The following TP53INP1 variants were observed in gnomAD, a reference collection of about 807,000 sequenced individuals.
TP53INP1 encodes tumor protein p53-inducible nuclear protein 1.
TP53INP1 carries 12 observed loss-of-function variants against 21.0 expected under a neutral mutation model. The ratio of observed to expected loss-of-function variants is 0.57; its 90% CI spans 0.37 to 0.93. TP53INP1 has a LOEUF of 0.93. Ranked by LOEUF, TP53INP1 falls within the 40% of genes least tolerant of loss-of-function variation. The pLI is 0.01. For missense variants in TP53INP1, 274 were observed against 294.7 expected, an observed-to-expected ratio of 0.93 and a Z score of 0.51; for synonymous variants, 91 against 94.8, an observed-to-expected ratio of 0.96 and a Z score of 0.23.
In TP53INP1 at chr8:94,940,175, T is replaced by C; in HGVS notation, c.158A>G (p.Asp53Gly). Residue 53 changes from aspartate (D) to glycine (G), a missense_variant, in exon 3 of 4, where the codon GAC becomes GGC. Transcript: ENST00000342697. ...FSAEEEEEEE[D>G]ISEESPTEHP... ...CTCAGTAGGTGACTCTTCACTGATG[T>C]CCTCCTCTTCTTCTTCTTCTTCTGC... 6.2e-7 allele frequency: 1 copy of C among 1,613,718 alleles called. No individual in the cohort carries two copies. The highest frequency in any genetic ancestry group is 8.5e-7 in the Non-Finnish European group (1 of 1,179,738).
At chr8:94,945,922 A>G (rs1457283266) in intron 1 of TP53INP1, among the ~76,000 whole-genome samples, 1 of 152,232 alleles carries the variant, frequency 6.6e-6, no homozygotes, top group African/African-American at 2.4e-5. Context: ...CATTTCAAGA[A>G]GGCAGCTTTG....
At position 94,930,442 on chromosome 8, in the gene TP53INP1, C is replaced by T. The variant is rs376470637; in HGVS notation, c.*37G>A. ...ATACACACATCCATACATGTAAGCA[C>T]AAACCAAGAGAAACCAACCAACAAA... is the stretch of plus-strand genomic sequence containing the variant. On this transcript the variant is annotated 3_prime_UTR_variant, in exon 4 of 4. Coordinates refer to ENST00000342697, the MANE Select transcript of TP53INP1 (RefSeq NM_033285.4). 1 of 1,611,356 alleles carries T rather than the reference C, an allele frequency of 6.2e-7. No homozygotes were observed. Among genetic ancestry groups the T allele is most frequent in the African/African-American group, 1.3e-5 (1 of 74,864 alleles).
At chr8:94,946,696 CAAAAAAAAAAAAA>C (rs71273438) in intron 1 of TP53INP1, among the ~76,000 whole-genome samples, 1 of 34,688 alleles carries the variant, frequency 2.9e-5, no homozygotes, top group Non-Finnish European at 5.3e-5. Context: ...GACCCTGTCT[CAAAAAAAAAAAAA>C]AAAAAAAAAA....
In TP53INP1 at chr8:94,930,335, C is replaced by T. The variant is rs1820267098; in HGVS notation, c.*144G>A. 8.4e-7 allele frequency: 1 copy of T among 1,187,242 alleles called. No homozygotes were observed. Among genetic ancestry groups the T allele is most frequent in the African/African-American group, 1.5e-5 (1 of 65,632 alleles). The allele number at this position is 1,187,242 out of a possible 1,614,324, so 73.5% of individuals were successfully genotyped here. ...ATACACAGCATATAAATCTGATTTT[C>T]AAGATAGTGTCTAAATACACTGATA... On this transcript the variant is annotated 3_prime_UTR_variant, in exon 4 of 4. Coordinates refer to ENST00000342697, the MANE Select transcript of TP53INP1 (RefSeq NM_033285.4).
In TP53INP1 at chr8:94,935,654, T is replaced by A. The variant is rs552696118; in HGVS notation, c.473+4206A>T. On this transcript the variant is annotated intron_variant, in intron 3 of 3. Coordinates refer to ENST00000342697, the MANE Select transcript of TP53INP1 (RefSeq NM_033285.4). ...AAATGGTCGGGGTGGTGAAGATAAA[T>A]TCCTGGGACTCCTTGGTATGGGAGC... Among the ~76,000 whole-genome samples the A allele has an allele frequency of 1.3e-5, 2 of 152,184 alleles. 1 individual carries two copies. Among genetic ancestry groups the A allele is most frequent in the South Asian group, 4.1e-4 (2 of 4,832 alleles).
intron 3 of TP53INP1, 26 bp downstream of exon 3, chr8:94,939,832 TAC>T: frequency 6.3e-7 from 1 of 1,594,550 alleles, no homozygotes; most frequent in Non-Finnish European, 8.6e-7. Context: ...GTGGACTGCC[TAC>T]AGAGAGTTAA....
chr8:94,932,097 T>G, intron 3 of TP53INP1: 1 of 1,610,290 alleles, frequency 6.2e-7, no homozygotes, highest in Non-Finnish European at 8.5e-7. Flanking sequence ...TATAAGCAGC[T>G]TTTCCTGGCC....
chr8:94,935,373 G>A (rs905761008), intron 3 of TP53INP1, among the ~76,000 whole-genome samples: 11 of 152,142 alleles, frequency 7.2e-5, no homozygotes, highest in African/African-American at 2.7e-4. Flanking sequence ...CTAATTAACT[G>A]GGTAATGGGG....
Position 94,940,037 on chromosome 8 carries a change from G to T in TP53INP1, c.296C>A (p.Thr99Asn). The T allele has an allele frequency of 6.2e-7, 1 of 1,614,216 alleles. No homozygotes were observed. The highest frequency in any genetic ancestry group is 8.5e-7 in the Non-Finnish European group (1 of 1,180,032). Residue 99 changes from threonine (T) to asparagine (N), a missense_variant, in exon 3 of 4, where the codon ACC (threonine) becomes AAC (asparagine). Transcript: ENST00000342697. ...ACCTGCAGTAAAACATGGGGGTGGG[G>T]TGATAAACCAGCTCTCCTCCATTGG... Reference protein sequence around the residue: ...SCPMEESWFITPPPCFTAGGL... With the variant: ...SCPMEESWFINPPPCFTAGGL...
In TP53INP1 at chr8:94,931,760, A is replaced by G. The variant is rs538483369; in HGVS notation, c.474-1032T>C. The stretch of plus-strand genomic sequence containing the variant: ...GAGGCTGAGGCAGGTGGATCACCTT[A>G]ATAGAGTTCAAGACCAGCCTGGCCA... On this transcript the variant is annotated intron_variant, in intron 3 of 3. Transcript: ENST00000342697. Among the ~76,000 whole-genome samples, 13 of 152,202 alleles carry G rather than the reference A, an allele frequency of 8.5e-5. No individual in the cohort carries two copies. In the East Asian group the frequency reaches 2.5e-3, roughly 29 times the overall value.
chr8:94,932,020 G>A, intron 3 of TP53INP1: 2 of 1,556,052 alleles, frequency 1.3e-6, no homozygotes, highest in East Asian at 2.3e-5. Flanking sequence ...TGGGTCCTTT[G>A]CCTCCCTATG....
Position 94,925,994 on chromosome 8 carries a change from T to TAA in TP53INP1, c.*4484_*4485insTT, listed in dbSNP as rs2131289059. 2 of 152,776 alleles carry TAA rather than the reference T, an allele frequency of 1.3e-5. No homozygotes were observed. The highest frequency in any genetic ancestry group is 4.8e-5 in the African/African-American group (2 of 41,582). 9.5% of individuals were successfully genotyped at this position (152,776 alleles called of 1,614,324 possible). ...GTGTGAAGTTAAAGGACACTTTATT[T>TAA]ACTGACAGATTGAAAACTGTAACTC... On this transcript the variant is annotated 3_prime_UTR_variant, in exon 4 of 4. Transcript: ENST00000342697.
At position 94,928,973 on chromosome 8, in the gene TP53INP1, T is replaced by TA. The variant is rs1431537852; in HGVS notation, c.*1505dup. 2 of 152,648 alleles carry TA rather than the reference T, an allele frequency of 1.3e-5. No individual in the cohort carries two copies. Among genetic ancestry groups the TA allele is most frequent in the Non-Finnish European group, 2.9e-5 (2 of 68,032 alleles). The allele number at this position is 152,648 out of a possible 1,614,324, so 9.5% of individuals were successfully genotyped here. On this transcript the variant is annotated 3_prime_UTR_variant, in exon 4 of 4. Coordinates refer to ENST00000342697, the MANE Select transcript of TP53INP1 (RefSeq NM_033285.4). ...CAGTAGAATTGCTTTGGATTGTAAA[T>TA]ATGTTTACTTCAGAGGAAATCAGTC...
chr8:94,926,938 C>G lies in TP53INP1; in HGVS notation c.*3541G>C, dbSNP rs547774525. The G allele has an allele frequency of 2.8e-4, 43 of 152,306 alleles. No homozygotes were observed. Among genetic ancestry groups the G allele is most frequent in the African/African-American group, 9.9e-4 (41 of 41,566 alleles). The allele number at this position is 152,306 out of a possible 1,614,324, so 9.4% of individuals were successfully genotyped here. A position where few individuals can be genotyped will look rare whatever the true frequency, so the allele number is the denominator to read the frequency against. ...TGCCATTTCTAATATATCAGCATGGCTGATGGCAGTGAAACCATCCAAGAT... is the reference window on the plus strand; with the variant it reads ...TGCCATTTCTAATATATCAGCATGGGTGATGGCAGTGAAACCATCCAAGAT... On this transcript the variant is annotated 3_prime_UTR_variant, in exon 4 of 4. Coordinates refer to ENST00000342697, the MANE Select transcript of TP53INP1 (RefSeq NM_033285.4).
intron 3 of TP53INP1, among the ~76,000 whole-genome samples, chr8:94,933,835 G>GGGT (rs1554630452): frequency 7.0e-5 from 1 of 14,274 alleles, no homozygotes; most frequent in African/African-American, 1.2e-4. Context: ...AGCACTTTGT[G>GGGT]GGGGGGGGGG....
Position 94,939,928 on chromosome 8 carries a change from A to G in TP53INP1, c.405T>C (p.His135=), listed in dbSNP as rs760078629. ...CCTCACTGAGACCAGGGCAGGAGTT[A>G]TGCACAGCATAGACAGACATGCTGG... ...EHPSMSVYAV[H]NSCPGLSEAT... is the part of the protein sequence containing the mutation. The change falls in exon 3 of 4, where the codon CAT becomes CAC. Residue 135 remains histidine, a synonymous_variant. Coordinates refer to ENST00000342697, the MANE Select transcript of TP53INP1 (RefSeq NM_033285.4). 1 of 1,614,194 alleles carries G rather than the reference A, an allele frequency of 6.2e-7. No individual in the cohort carries two copies. Among genetic ancestry groups the G allele is most frequent in the South Asian group, 1.1e-5 (1 of 91,084 alleles).
chr8:94,938,435 C>T (rs1037551855), intron 3 of TP53INP1, among the ~76,000 whole-genome samples: 2 of 152,332 alleles, frequency 1.3e-5, no homozygotes, highest in South Asian at 4.1e-4. Context: ...CTTGGAACCT[C>T]CAATGTGGAA....
At chr8:94,944,552 T>G (rs1431743542) in intron 1 of TP53INP1, among the ~76,000 whole-genome samples, 1 of 152,196 alleles carries the variant, frequency 6.6e-6, no homozygotes, top group East Asian at 1.9e-4. Flanking sequence ...CCTCCAGATG[T>G]CCCATATCTC....
rs1820252273 is a variant in TP53INP1 at position 94,930,183 on chromosome 8, GCTGA to G, written c.*292_*295del. The G allele has an allele frequency of 3.4e-6, 1 of 291,662 alleles. No individual in the cohort carries two copies. Among genetic ancestry groups the G allele is most frequent in the African/African-American group, 2.2e-5 (1 of 45,818 alleles). The allele number at this position is 291,662 out of a possible 1,614,324, so 18.1% of individuals were successfully genotyped here. ...ACTTGGGAAGAAATGTCTTTAAAAT[GCTGA>G]CTAATGTATAACCTAATATATTTAA... On this transcript the variant is annotated 3_prime_UTR_variant, in exon 4 of 4. Coordinates refer to ENST00000342697, the MANE Select transcript of TP53INP1 (RefSeq NM_033285.4).
Sources: allele counts gnomAD v4.1 joint callset (sites outside exome capture counted in the v4.1 genomes callset), GRCh38; gene constraint gnomAD v4.1.1; transcripts MANE v1.5; gene names NCBI Gene and HGNC (gene_info 2026-07-23, HGNC 2026-07-21).